The following ZNF407 variants were observed in gnomAD, a reference collection of about 807,000 sequenced individuals.
The protein encoded by ZNF407 is zinc finger protein 407.
In ZNF407, 17 loss-of-function variants were observed where a neutral mutation model predicts 131.2. That is an observed-to-expected ratio of 0.13 (90% CI 0.09 to 0.19). The LOEUF (loss-of-function observed/expected upper bound fraction) is 0.19. Ranked by LOEUF, ZNF407 falls within the 10% of genes least tolerant of loss-of-function variation. The pLI is 1.00. For missense variants in ZNF407, 2,681 were observed against 2,830.6 expected (o/e 0.95, Z 1.20); for synonymous variants, 1,156 against 1,062.0 (o/e 1.09, Z -1.72).
At chr18:75,057,862 T>G (rs1973578856) in intron 8 of ZNF407, among the ~76,000 whole-genome samples, 1 of 152,200 alleles carries the variant, frequency 6.6e-6, no homozygotes, top group African/African-American at 2.4e-5. Flanking sequence ...GTAATGACAT[T>G]TTTCATTCAC....
At chr18:74,800,792 C>T (rs1970006786) in intron 4 of ZNF407, among the ~76,000 whole-genome samples, 1 of 151,972 alleles carries the variant, frequency 6.6e-6, no homozygotes, top group East Asian at 1.9e-4. Context: ...GAAATTAATA[C>T]GATTTTTACA....
At chr18:74,967,606 C>T (rs1011451072) in intron 8 of ZNF407, among the ~76,000 whole-genome samples, 2 of 152,210 alleles carry the variant, frequency 1.3e-5, no homozygotes, top group African/African-American at 4.8e-5. Context: ...GTTCCTCTTC[C>T]TCCTGCCTTC....
chr18:75,059,900 C>G (rs1200033126), intron 8 of ZNF407, among the ~76,000 whole-genome samples: 1 of 152,180 alleles, frequency 6.6e-6, no homozygotes. Flanking sequence ...GATCTTCCCT[C>G]GGTCAAGGCA....
chr18:74,723,385 T>C (rs943268842), intron 3 of ZNF407, among the ~76,000 whole-genome samples: 3 of 152,330 alleles, frequency 2.0e-5, no homozygotes, highest in Middle Eastern at 3.4e-3. Context: ...ATGAATTTTA[T>C]GTTGTACGGA....
chr18:74,863,379 G>A (rs1329460800), intron 4 of ZNF407, among the ~76,000 whole-genome samples: 1 of 151,786 alleles, frequency 6.6e-6, no homozygotes, highest in Non-Finnish European at 1.5e-5. Flanking sequence ...TTAGAAATTT[G>A]GGGAGATATA....
In ZNF407 at chr18:74,803,217, G is replaced by T. The variant is rs1454878148; in HGVS notation, c.4877+21715G>T. ...CCTGAGCTAACTGGAGTGAGGGGAA[G>T]ACCTGTTTGCTCCCGTGCTCTTGGG... On this transcript the variant is annotated intron_variant, in intron 4 of 8. Coordinates refer to ENST00000299687, the MANE Select transcript of ZNF407 (RefSeq NM_017757.3). Among the ~76,000 whole-genome samples, 3 of 152,304 alleles carry T rather than the reference G, an allele frequency of 2.0e-5. 1 individual carries two copies. Among genetic ancestry groups the T allele is most frequent in the Admixed American group, 2.0e-4 (3 of 15,304 alleles).
intron 3 of ZNF407, among the ~76,000 whole-genome samples, chr18:74,770,827 A>G (rs1361656515): frequency 2.6e-5 from 4 of 152,122 alleles, no homozygotes; most frequent in Non-Finnish European, 4.4e-5. Flanking sequence ...TATAATATCT[A>G]AAAGGTTACT....
chr18:74,623,322 ATG>A (rs956017293), intron 1 of ZNF407, among the ~76,000 whole-genome samples: 1 of 105,860 alleles, frequency 9.4e-6, no homozygotes, highest in African/African-American at 2.9e-5. Flanking sequence ...GGGTAAGTGC[ATG>A]TGTGAAACTG....
chr18:74,767,202 G>A lies in ZNF407; in HGVS notation c.4803-14226G>A, dbSNP rs575903553. Among the ~76,000 whole-genome samples, 10 of 152,270 alleles carry A rather than the reference G, an allele frequency of 6.6e-5. No individual in the cohort carries two copies. In the East Asian group the frequency reaches 1.9e-3, roughly 29 times the overall value. The stretch of plus-strand genomic sequence containing the variant: ...GCTGGGACTACAGGTGTGAGCTACC[G>A]TGCCTGGTCCTGACTTCGTTATTAT... On this transcript the variant is annotated intron_variant, in intron 3 of 8. Transcript: ENST00000299687.
intron 3 of ZNF407, among the ~76,000 whole-genome samples, chr18:74,739,971 T>C (rs1968510505): frequency 6.6e-6 from 1 of 152,202 alleles, no homozygotes; most frequent in African/African-American, 2.4e-5. Context: ...AGTCAGTCAG[T>C]GTTCTGGAGA....
At chr18:74,630,532 A>C (rs1247004326) in intron 1 of ZNF407, among the ~76,000 whole-genome samples, 1 of 152,156 alleles carries the variant, frequency 6.6e-6, no homozygotes, top group African/African-American at 2.4e-5. Context: ...TTAGAGGTTA[A>C]GGAGGGGAAG....
chr18:74,993,774 T>C (rs988932463), intron 8 of ZNF407, among the ~76,000 whole-genome samples: 3 of 152,244 alleles, frequency 2.0e-5, no homozygotes, highest in Non-Finnish European at 4.4e-5. Context: ...GGGCTTTAAA[T>C]GGTTCAAATG....
At position 74,928,720 on chromosome 18, in the gene ZNF407, C is replaced by T. The variant is rs557499211; in HGVS notation, c.5428+8028C>T. On this transcript the variant is annotated intron_variant, in intron 8 of 8. Transcript: ENST00000299687. ...AAGATCTCTATTTCAATGTTAATGC[C>T]GACCAGTTGTGCCTGAACTCCAAAG... Among the ~76,000 whole-genome samples, 19 of 152,178 alleles carry T rather than the reference C, an allele frequency of 1.2e-4. No homozygotes were observed. In the Middle Eastern group the frequency reaches 0.01, roughly 82 times the overall value.
At chr18:74,755,837 C>T (rs116913722) in intron 3 of ZNF407, among the ~76,000 whole-genome samples, 11,753 of 114,996 alleles carry the variant, frequency 0.1, 1,239 homozygotes, top group Non-Finnish European at 0.17. Context: ...CCTCCCTTCC[C>T]TCCCTCCCTT....
intron 3 of ZNF407, among the ~76,000 whole-genome samples, chr18:74,673,805 C>A (rs1986248650): frequency 1.3e-5 from 2 of 152,172 alleles, no homozygotes. Context: ...TTTGTATTCA[C>A]CTTTGTATCT....
At chr18:74,845,557 G>A (rs971756629) in intron 4 of ZNF407, among the ~76,000 whole-genome samples, 1 of 152,098 alleles carries the variant, frequency 6.6e-6, no homozygotes, top group Admixed American at 6.5e-5. Context: ...TTCAAAAAAT[G>A]AGAAAATTCT....
chr18:74,935,484 G>A (rs531741551), intron 8 of ZNF407, among the ~76,000 whole-genome samples: 6 of 152,072 alleles, frequency 3.9e-5, no homozygotes, highest in East Asian at 3.9e-4. Context: ...TGCTGAAATC[G>A]GGGACCAGAT....
At chr18:74,650,953 C>A (rs1036203757) in intron 3 of ZNF407, among the ~76,000 whole-genome samples, 6 of 151,950 alleles carry the variant, frequency 3.9e-5, no homozygotes, top group East Asian at 1.9e-4. Context: ...ATCTATCTAT[C>A]TATATATAAA....
chr18:74,913,539 G>C (rs1971703531), intron 7 of ZNF407, among the ~76,000 whole-genome samples: 1 of 152,130 alleles, frequency 6.6e-6, no homozygotes, highest in Admixed American at 6.5e-5. Flanking sequence ...GGTGAGAAAA[G>C]AATATAAGAC....
Sources: gnomAD v4.1 joint callset for allele counts (sites outside exome capture counted in the v4.1 genomes callset) on GRCh38, gnomAD v4.1.1 for gene constraint, MANE v1.5 for transcripts, NCBI Gene and HGNC (gene_info 2026-07-23, HGNC 2026-07-21) for gene names.